GRID2: variants seen among roughly 807,000 people sequenced by gnomAD.
GRID2 encodes glutamate ionotropic receptor delta type subunit 2, also known as glutamate receptor ionotropic, delta-2.
Under a neutral mutation model 114.8 loss-of-function variants are expected in GRID2, and 33 were observed. The observed-to-expected ratio is 0.29, with a 90% CI of 0.22 to 0.38. The LOEUF (loss-of-function observed/expected upper bound fraction) is 0.38. Ranked by LOEUF, GRID2 falls within the 10% of genes least tolerant of loss-of-function variation. The pLI, the probability that GRID2 is intolerant of heterozygous loss-of-function variation, is 1.00. For missense variants in GRID2, 1,184 were observed against 1,257.7 expected (o/e 0.94, Z 0.89); for synonymous variants, 505 against 449.9 (o/e 1.12, Z -1.55).
chr4:93,277,078 G>C (rs756260790), intron 8 of GRID2, among the ~76,000 whole-genome samples: 5 of 151,772 alleles, frequency 3.3e-5, no homozygotes, highest in Non-Finnish European at 5.9e-5. Flanking sequence ...TACATGTAGT[G>C]TTACAGGTCC....
intron 8 of GRID2, among the ~76,000 whole-genome samples, chr4:93,348,299 T>A (rs1422757062): frequency 6.6e-6 from 1 of 152,206 alleles, no homozygotes; most frequent in Non-Finnish European, 1.5e-5. Flanking sequence ...ATCTGTTTAA[T>A]TCTATTCTAT....
At chr4:92,921,571 G>C (rs979384792) in intron 2 of GRID2, among the ~76,000 whole-genome samples, 1 of 152,162 alleles carries the variant, frequency 6.6e-6, no homozygotes, top group Non-Finnish European at 1.5e-5. Flanking sequence ...TAACAGTCAG[G>C]ACCCTCAGCT....
At chr4:93,336,626 C>T (rs1759120088) in intron 8 of GRID2, among the ~76,000 whole-genome samples, 1 of 152,158 alleles carries the variant, frequency 6.6e-6, no homozygotes, top group Non-Finnish European at 1.5e-5. Flanking sequence ...GACAATTGCT[C>T]CCCAAGGTGA....
At chr4:93,736,888 A>G (rs1001448719) in intron 14 of GRID2, among the ~76,000 whole-genome samples, 2 of 151,068 alleles carry the variant, frequency 1.3e-5, no homozygotes, top group South Asian at 2.1e-4. Context: ...AAATCCATCA[A>G]TGAGCCCAAA....
chr4:92,689,330 C>A (rs1019976116), intron 2 of GRID2, among the ~76,000 whole-genome samples: 1 of 152,142 alleles, frequency 6.6e-6, no homozygotes, highest in South Asian at 2.1e-4. Flanking sequence ...TCCTAGATGG[C>A]GTCTTCTTCC....
intron 8 of GRID2, among the ~76,000 whole-genome samples, chr4:93,272,708 C>G (rs547567961): frequency 6.6e-6 from 1 of 152,266 alleles, no homozygotes; most frequent in Admixed American, 6.5e-5. Context: ...TAGATGCCAG[C>G]AAGCCATGGC....
intron 6 of GRID2, among the ~76,000 whole-genome samples, chr4:93,222,507 G>A (rs1299633396): frequency 1.3e-5 from 2 of 151,430 alleles, no homozygotes; most frequent in Non-Finnish European, 2.9e-5. Context: ...GGGTACATGT[G>A]CACAATGTGC....
At chr4:93,560,597 T>C (rs1207393418) in intron 13 of GRID2, among the ~76,000 whole-genome samples, 1 of 152,158 alleles carries the variant, frequency 6.6e-6, no homozygotes, top group Admixed American at 6.6e-5. Context: ...TAATATTTTA[T>C]TGTGATTTGG....
chr4:92,935,271 A>G (rs1370186964), intron 2 of GRID2, among the ~76,000 whole-genome samples: 3 of 147,348 alleles, frequency 2.0e-5, no homozygotes, highest in South Asian at 2.3e-4. Flanking sequence ...GCAGCCAAAA[A>G]ACACATGAAA....
intron 12 of GRID2, among the ~76,000 whole-genome samples, chr4:93,499,229 T>G (rs1727863724): frequency 6.6e-6 from 1 of 151,934 alleles, no homozygotes; most frequent in Non-Finnish European, 1.5e-5. Context: ...TGACTGTCCC[T>G]GCCTGCTGCT....
intron 1 of GRID2, among the ~76,000 whole-genome samples, chr4:92,475,951 T>C (rs1722288781): frequency 6.6e-6 from 1 of 151,936 alleles, no homozygotes; most frequent in African/African-American, 2.4e-5. Flanking sequence ...AATGGAAATG[T>C]TTTCTTAATC....
intron 2 of GRID2, among the ~76,000 whole-genome samples, chr4:92,929,769 T>G (rs1259097535): frequency 6.6e-6 from 1 of 151,392 alleles, no homozygotes; most frequent in Non-Finnish European, 1.5e-5. Flanking sequence ...TGAAATTATT[T>G]CAGTCTCTTA....
At chr4:92,491,563 T>C (rs1723149326) in intron 1 of GRID2, among the ~76,000 whole-genome samples, 1 of 152,200 alleles carries the variant, frequency 6.6e-6, no homozygotes, top group Non-Finnish European at 1.5e-5. Context: ...TTGAAATTAA[T>C]GATGCAATGA....
chr4:93,775,751 G>A (rs768290531), downstream of GRID2, among the ~76,000 whole-genome samples: 4 of 152,266 alleles, frequency 2.6e-5, no homozygotes, highest in Middle Eastern at 3.4e-3. Flanking sequence ...CAGAACTTAT[G>A]CACAGGCTTT....
intron 14 of GRID2, among the ~76,000 whole-genome samples, chr4:93,663,184 G>A (rs906555144): frequency 6.6e-6 from 1 of 152,156 alleles, no homozygotes; most frequent in African/African-American, 2.4e-5. Context: ...TGCCAATTGA[G>A]GAATGCAAAC....
chr4:93,043,515 C>A lies in GRID2; in HGVS notation c.245-41480C>A, dbSNP rs150831445. Among the ~76,000 whole-genome samples, 1,216 of 152,218 alleles carry A rather than the reference C, an allele frequency of 8.0e-3. 8 individuals are homozygous for A. The highest frequency in any genetic ancestry group is 0.012 in the Non-Finnish European group (815 of 67,994). On this transcript the variant is annotated intron_variant, in intron 2 of 15. Transcript: ENST00000282020. ...CAAACCATCTCTAAAAGGAGAAATA[C>A]AAATTCATCTCTAGAATAAGGGGTG...
At chr4:92,990,305 A>ATATATG (rs1491418714) in intron 2 of GRID2, among the ~76,000 whole-genome samples, 3 of 71,442 alleles carry the variant, frequency 4.2e-5, no homozygotes, top group African/African-American at 1.3e-4. Context: ...ATATATATAT[A>ATATATG]TGTGTGTGTG....
intron 2 of GRID2, among the ~76,000 whole-genome samples, chr4:92,830,408 A>G (rs1742024949): frequency 6.6e-6 from 1 of 152,082 alleles, no homozygotes; most frequent in African/African-American, 2.4e-5. Flanking sequence ...AACCATACCA[A>G]CATACCAACA....
At chr4:92,809,783 A>T (rs962720977) in intron 2 of GRID2, among the ~76,000 whole-genome samples, 1 of 152,028 alleles carries the variant, frequency 6.6e-6, no homozygotes, top group African/African-American at 2.4e-5. Flanking sequence ...GGTATTACCT[A>T]CCAAACTCAT....
Sources: gnomAD v4.1 joint callset for allele counts (sites outside exome capture counted in the v4.1 genomes callset) on GRCh38, gnomAD v4.1.1 for gene constraint, MANE v1.5 for transcripts, NCBI Gene and HGNC (gene_info 2026-07-23, HGNC 2026-07-21) for gene names.